Variants in KIF16B observed in about 807,000 individuals in gnomAD.
KIF16B encodes the protein kinesin-like protein KIF16B.
Under a neutral mutation model 156.3 loss-of-function variants are expected in KIF16B, and 98 were observed. The ratio of observed to expected loss-of-function variants is 0.63; its 90% CI spans 0.53 to 0.74. The LOEUF is 0.74. Ranked by LOEUF, KIF16B falls within the 30% of genes least tolerant of loss-of-function variation. The pLI is 0.00. For synonymous variants in KIF16B, 564 were observed against 583.7 expected (o/e 0.97, Z 0.49); for missense variants, 1,421 against 1,606.5 (o/e 0.88, Z 1.97).
At chr20:16,368,734 G>A (rs946171888) in intron 22 of KIF16B, 14 of 985,750 alleles carry the variant, frequency 1.4e-5, no homozygotes, top group Admixed American at 6.1e-5. Flanking sequence ...GGCACTGCAG[G>A]ATGCTCTCTC....
chr20:16,551,497 T>G (rs551633228), intron 1 of KIF16B, among the ~76,000 whole-genome samples: 1 of 152,308 alleles, frequency 6.6e-6, no homozygotes, highest in Admixed American at 6.5e-5. Context: ...TTTCATTCCT[T>G]CTGACTCCTT....
intron 15 of KIF16B, among the ~76,000 whole-genome samples, chr20:16,411,511 C>T (rs931472891): frequency 7.2e-5 from 11 of 151,978 alleles, no homozygotes; most frequent in African/African-American, 2.7e-4. Flanking sequence ...CTGTTGTCCA[C>T]AGGAGTAGCT....
intron 25 of KIF16B, among the ~76,000 whole-genome samples, chr20:16,310,893 A>G (rs1194896833): frequency 2.0e-5 from 3 of 152,136 alleles, no homozygotes; most frequent in Non-Finnish European, 4.4e-5. Flanking sequence ...GAGTGGTTCT[A>G]TATTCAATAT....
intron 1 of KIF16B, among the ~76,000 whole-genome samples, chr20:16,533,895 A>G (rs530542764): frequency 6.6e-6 from 1 of 152,338 alleles, no homozygotes; most frequent in South Asian, 2.1e-4. Context: ...GAAATTTCAC[A>G]AATAATTTCC....
At chr20:16,451,065 T>C (rs946043293) in intron 12 of KIF16B, among the ~76,000 whole-genome samples, 11 of 152,180 alleles carry the variant, frequency 7.2e-5, no homozygotes, top group African/African-American at 2.7e-4. Flanking sequence ...TTCCACATTA[T>C]ATGGAAAAAT....
rs538670392 is a variant in KIF16B, at chr20:16,315,839, G to A, written c.3712-3421C>T. On this transcript the variant is annotated intron_variant, in intron 24 of 25. Coordinates refer to ENST00000354981, the MANE Select transcript of KIF16B (RefSeq NM_024704.5). ...AAGGAACAGCTGCAAAAGTTCCAAT[G>A]TGGCTCATGATAGAAATGTGAGCTA... 3.3e-5 allele frequency among the ~76,000 whole-genome samples: 5 copies of A among 152,346 alleles called. No homozygotes were observed. In the South Asian group the frequency reaches 8.3e-4, roughly 25 times the overall value.
At chr20:16,393,462 G>A (rs189633106) in intron 17 of KIF16B, among the ~76,000 whole-genome samples, 20 of 152,326 alleles carry the variant, frequency 1.3e-4, no homozygotes, top group East Asian at 1.9e-4. Flanking sequence ...TGCTGGTGAT[G>A]GTTAAACATA....
rs541801791 is a variant in KIF16B, at chr20:16,389,350, A to G, written c.1785-7603T>C. ...CAATATGTACTGAACTCTGCAAATT[A>G]TGCAGCTAGTTCTGATCAAGCATAT... On this transcript the variant is annotated intron_variant, in intron 17 of 25. Transcript: ENST00000354981. Among the ~76,000 whole-genome samples, 6 of 152,296 alleles carry G rather than the reference A, an allele frequency of 3.9e-5. No individual in the cohort carries two copies. The East Asian group carries it at 9.6e-4, about 24-fold the overall frequency.
intron 1 of KIF16B, among the ~76,000 whole-genome samples, chr20:16,540,904 A>G (rs534845216): frequency 2.6e-5 from 4 of 152,226 alleles, no homozygotes; most frequent in Admixed American, 1.3e-4. Flanking sequence ...TTCTTACCCA[A>G]TGGTTTGCAC....
Position 16,437,252 on chromosome 20 carries a change from A to G in KIF16B, c.1303-7270T>C, listed in dbSNP as rs1014015529. Among the ~76,000 whole-genome samples the G allele has an allele frequency of 1.4e-4, 21 of 152,212 alleles. 1 individual carries two copies. The highest frequency in any genetic ancestry group is 2.4e-5 in the African/African-American group (1 of 41,460). The stretch of plus-strand genomic sequence containing the variant: ...AATTTTTTTCTAATATTTTCAATCT[A>G]TGGTTGGTAAAATCCATGGATGCAG... On this transcript the variant is annotated intron_variant, in intron 12 of 25. Coordinates refer to ENST00000354981, the MANE Select transcript of KIF16B (RefSeq NM_024704.5).
At chr20:16,419,830 CT>C (rs1369126028) in intron 15 of KIF16B, among the ~76,000 whole-genome samples, 1 of 152,100 alleles carries the variant, frequency 6.6e-6, no homozygotes, top group Non-Finnish European at 1.5e-5. Flanking sequence ...TACAATGCAT[CT>C]GACTGTTGTA....
chr20:16,498,083 T>C (rs2146958390), intron 10 of KIF16B, among the ~76,000 whole-genome samples: 1 of 152,308 alleles, frequency 6.6e-6, no homozygotes, highest in Middle Eastern at 3.4e-3. Context: ...TACTGATACA[T>C]GAAAATGAAA....
intron 25 of KIF16B, among the ~76,000 whole-genome samples, chr20:16,279,235 T>C (rs549373680): frequency 2.0e-5 from 3 of 152,280 alleles, no homozygotes; most frequent in Non-Finnish European, 4.4e-5. Flanking sequence ...CCCATGATAT[T>C]CTGGGTGGAC....
chr20:16,303,029 T>C (rs1288712847), intron 25 of KIF16B, among the ~76,000 whole-genome samples: 4 of 152,190 alleles, frequency 2.6e-5, no homozygotes, highest in African/African-American at 9.6e-5. Flanking sequence ...ATTTCAAATG[T>C]TTACTTGTAA....
intron 17 of KIF16B, among the ~76,000 whole-genome samples, chr20:16,384,034 T>C (rs1482518656): frequency 6.6e-6 from 1 of 152,166 alleles, no homozygotes; most frequent in East Asian, 1.9e-4. Flanking sequence ...AGGCTTAGAG[T>C]ACATAAGCAG....
chr20:16,532,192 C>A (rs201078192), intron 1 of KIF16B, among the ~76,000 whole-genome samples: 1 of 138,040 alleles, frequency 7.2e-6, no homozygotes, highest in South Asian at 2.3e-4. Flanking sequence ...ACTTAAAAAA[C>A]CTTTTAGAGA....
chr20:16,300,775 G>A (rs1051109643), intron 25 of KIF16B, among the ~76,000 whole-genome samples: 7 of 152,002 alleles, frequency 4.6e-5, no homozygotes, highest in African/African-American at 9.7e-5. Context: ...AGCCTCCCCC[G>A]CTATCAAAAT....
intron 1 of KIF16B, among the ~76,000 whole-genome samples, chr20:16,533,613 ACTGT>A (rs1339877286): frequency 6.6e-6 from 1 of 152,224 alleles, no homozygotes; most frequent in Non-Finnish European, 1.5e-5. Flanking sequence ...GTCAGCTAAT[ACTGT>A]CTCCATTCTA....
At chr20:16,473,173 C>T (rs772879546) in intron 12 of KIF16B, among the ~76,000 whole-genome samples, 7 of 152,166 alleles carry the variant, frequency 4.6e-5, no homozygotes, top group Non-Finnish European at 7.3e-5. Flanking sequence ...TAAAACCCAA[C>T]GGAAGTCCTC....
Sources: allele counts gnomAD v4.1 joint callset (sites outside exome capture counted in the v4.1 genomes callset), GRCh38; gene constraint gnomAD v4.1.1; transcripts MANE v1.5; gene names NCBI Gene and HGNC (gene_info 2026-07-23, HGNC 2026-07-21).